Variants in TENM1 observed in about 807,000 individuals in gnomAD.
The protein encoded by TENM1 is teneurin-1.
Under a neutral mutation model 174.8 loss-of-function variants are expected in TENM1, and 35 were observed. That is an observed-to-expected ratio of 0.20 (90% CI 0.15 to 0.27). The LOEUF (loss-of-function observed/expected upper bound fraction) is 0.27, where lower values mean the gene tolerates loss of function less well. Ranked by LOEUF, TENM1 falls within the 10% of genes least tolerant of loss-of-function variation. The probability of loss-of-function intolerance (pLI) is 1.00; values close to 1 mark genes in which losing one functional copy is unlikely to be tolerated. For missense variants in TENM1, 1,633 were observed against 2,130.1 expected (o/e 0.77, Z 4.59); for synonymous variants, 781 against 798.7 (o/e 0.98, Z 0.37).
At chrX:124,428,610 T>C (rs2060744096) in intron 23 of TENM1, among the ~76,000 whole-genome samples, 1 of 112,168 alleles carries the variant, frequency 8.9e-6, no homozygotes, top group African/African-American at 3.2e-5. Flanking sequence ...ACAAGGAGGC[T>C]AGTGATAGTA....
At chrX:124,407,167 T>C (rs1456441522) in intron 25 of TENM1, among the ~76,000 whole-genome samples, 4 of 105,491 alleles carry the variant, frequency 3.8e-5, no homozygotes, top group African/African-American at 1.4e-4. Flanking sequence ...TTACCTGGGA[T>C]AATAGGCTAT....
chrX:124,473,627 C>T (rs1350623500), intron 22 of TENM1, among the ~76,000 whole-genome samples: 1 of 111,085 alleles, frequency 9.0e-6, no homozygotes, highest in African/African-American at 3.3e-5. Flanking sequence ...ATACCTAGCA[C>T]CACACTTCTG....
At chrX:124,495,157 C>T (rs1334594027) in intron 20 of TENM1, among the ~76,000 whole-genome samples, 2 of 101,310 alleles carry the variant, frequency 2.0e-5, no homozygotes, top group African/African-American at 7.2e-5. Context: ...TATTTCTCCA[C>T]ATCCTCTCCA....
At chrX:125,183,414 T>C in the TENM1 span, among the ~76,000 whole-genome samples, 2 of 111,748 alleles carry the variant, frequency 1.8e-5, no homozygotes, top group African/African-American at 6.5e-5. Flanking sequence ...CTGTGATATG[T>C]AGATGAAGGA....
At chrX:124,692,436 G>C (rs2052547321) in intron 5 of TENM1, among the ~76,000 whole-genome samples, 1 of 110,531 alleles carries the variant, frequency 9.0e-6, no homozygotes, top group Admixed American at 9.7e-5. Flanking sequence ...GAAACTAAAA[G>C]TTAAAATATT....
chrX:124,583,589 A>G (rs1458966788), intron 11 of TENM1, among the ~76,000 whole-genome samples: 1 of 110,918 alleles, frequency 9.0e-6, no homozygotes, highest in Non-Finnish European at 1.9e-5. Context: ...ATGGGGAAAA[A>G]ACAGAGCAGA....
intron 1 of TENM1, among the ~76,000 whole-genome samples, chrX:124,955,167 T>G (rs1170094678): frequency 9.0e-6 from 1 of 111,575 alleles, no homozygotes; most frequent in Non-Finnish European, 1.9e-5. Context: ...CTTTCTCTAA[T>G]ATTATTGAAT....
At chrX:124,676,283 T>C (rs2052079933) in intron 5 of TENM1, among the ~76,000 whole-genome samples, 1 of 36,197 alleles carries the variant, frequency 2.8e-5, no homozygotes, top group African/African-American at 1.5e-4. Context: ...TATATATATA[T>C]ATATATATAT....
intron 11 of TENM1, among the ~76,000 whole-genome samples, chrX:124,586,561 A>G (rs1353110524): frequency 1.8e-5 from 2 of 110,907 alleles, no homozygotes; most frequent in African/African-American, 6.6e-5. Context: ...GCTATCTATG[A>G]CAAACCCACA....
chrX:124,560,470 A>G (rs1020507483), intron 14 of TENM1, among the ~76,000 whole-genome samples: 1 of 111,138 alleles, frequency 9.0e-6, no homozygotes, highest in Non-Finnish European at 1.9e-5. Flanking sequence ...AAGCACAGAG[A>G]TATCATAAAA....
intron 3 of TENM1, among the ~76,000 whole-genome samples, chrX:124,846,036 A>T (rs1439175475): frequency 9.0e-6 from 1 of 110,581 alleles, no homozygotes; most frequent in Non-Finnish European, 1.9e-5. Flanking sequence ...AGTAGTACAA[A>T]TATTTCTTCT....
chrX:125,202,923 G>A, the TENM1 span, among the ~76,000 whole-genome samples: 1 of 112,171 alleles, frequency 8.9e-6, no homozygotes, highest in Non-Finnish European at 1.9e-5. Flanking sequence ...CCTGCCTAGC[G>A]GGTGCTTGGC....
At position 124,487,251 on chromosome X, in the gene TENM1, C is replaced by T. The variant is rs748061328; in HGVS notation, c.3696-22G>A. On this transcript the variant is annotated intron_variant, in intron 20 of 31. Transcript: ENST00000422452. ...GTTTCTAGGGTGCACAAGGTATCCA[C>T]GAGTGGCAAGCAAAAGCAAACAGAG... 6.0e-6 allele frequency: 7 copies of T among 1,160,596 alleles called. No homozygotes were observed. The Admixed American group carries it at 7.9e-5, about 13-fold the overall frequency.
chrX:124,588,172 C>T (rs1223617687), intron 11 of TENM1, among the ~76,000 whole-genome samples: 1 of 111,229 alleles, frequency 9.0e-6, no homozygotes, highest in Non-Finnish European at 1.9e-5. Context: ...ACCATTTGAC[C>T]CAGCCATCCC....
chrX:125,118,001 T>C, the TENM1 span, among the ~76,000 whole-genome samples: 1 of 111,461 alleles, frequency 9.0e-6, no homozygotes, highest in African/African-American at 3.3e-5. Flanking sequence ...GTAAATAAAA[T>C]GTGGTATATA....
chrX:124,867,424 G>C (rs1436330661), intron 3 of TENM1, among the ~76,000 whole-genome samples: 2 of 111,969 alleles, frequency 1.8e-5, no homozygotes, highest in Non-Finnish European at 3.8e-5. Context: ...AAAAGCATTT[G>C]ATAAAATTCA....
chrX:124,890,290 T>A (rs1047687699), intron 3 of TENM1, among the ~76,000 whole-genome samples: 3 of 111,722 alleles, frequency 2.7e-5, no homozygotes, highest in African/African-American at 9.7e-5. Context: ...TGTTTTTTCC[T>A]CCAGTTCAAT....
At chrX:124,650,488 G>A (rs1434504120) in intron 8 of TENM1, among the ~76,000 whole-genome samples, 1 of 111,290 alleles carries the variant, frequency 9.0e-6, no homozygotes. Context: ...TAAGGGACAG[G>A]AAAAAACCTC....
chrX:124,891,919 A>C (rs1316906737), intron 3 of TENM1, among the ~76,000 whole-genome samples: 1 of 111,618 alleles, frequency 9.0e-6, no homozygotes. Context: ...CCCCTTGCTA[A>C]GTACTGAAGC....
Sources: gnomAD v4.1 joint callset for allele counts (sites outside exome capture counted in the v4.1 genomes callset) on GRCh38, gnomAD v4.1.1 for gene constraint, MANE v1.5 for transcripts, NCBI Gene and HGNC (gene_info 2026-07-23, HGNC 2026-07-21) for gene names.